The following MLLT3 variants were observed in gnomAD, a reference collection of about 807,000 sequenced individuals.
The protein encoded by MLLT3 is MLLT3 super elongation complex subunit, also known as protein AF-9.
A neutral mutation model predicts 53.2 loss-of-function variants in MLLT3; 4 were observed. The ratio of observed to expected loss-of-function variants is 0.08; its 90% CI spans 0.04 to 0.17. The LOEUF (loss-of-function observed/expected upper bound fraction) is 0.17. Among genes scored for constraint, MLLT3 ranks in the 10% least tolerant of loss-of-function variants. MLLT3 has a pLI of 1.00. For synonymous variants in MLLT3, 283 were observed against 230.6 expected, an observed-to-expected ratio of 1.23 and a Z score of -2.06; for missense variants, 569 against 684.0, an observed-to-expected ratio of 0.83 and a Z score of 1.87.
intron 5 of MLLT3, among the ~76,000 whole-genome samples, chr9:20,393,119 C>T (rs1399704923): frequency 6.6e-6 from 1 of 152,050 alleles, no homozygotes; most frequent in East Asian, 1.9e-4. Flanking sequence ...CATGCCATTG[C>T]ACTCCAGCCT....
intron 2 of MLLT3, among the ~76,000 whole-genome samples, chr9:20,602,990 G>T (rs1040126927): frequency 6.6e-6 from 1 of 152,058 alleles, no homozygotes; most frequent in Non-Finnish European, 1.5e-5. Flanking sequence ...ATTAAAAGTA[G>T]ATATGATATA....
intron 2 of MLLT3, among the ~76,000 whole-genome samples, chr9:20,592,952 G>C (rs1820165108): frequency 6.6e-6 from 1 of 152,168 alleles, no homozygotes; most frequent in Admixed American, 6.5e-5. Context: ...AGCAATGAAA[G>C]AGAAGGCAAG....
At chr9:20,571,048 CT>C (rs1206429229) in intron 2 of MLLT3, among the ~76,000 whole-genome samples, 6 of 152,158 alleles carry the variant, frequency 3.9e-5, no homozygotes, top group Non-Finnish European at 8.8e-5. Context: ...GAAGACATGT[CT>C]TTGTAGTATA....
chr9:20,395,964 A>G (rs1184121083), intron 5 of MLLT3, among the ~76,000 whole-genome samples: 1 of 152,168 alleles, frequency 6.6e-6, no homozygotes, highest in Non-Finnish European at 1.5e-5. Context: ...TGTGTTCAGG[A>G]CAGCATAGGC....
At chr9:20,584,176 A>G (rs1819885579) in intron 2 of MLLT3, among the ~76,000 whole-genome samples, 1 of 152,208 alleles carries the variant, frequency 6.6e-6, no homozygotes, top group African/African-American at 2.4e-5. Flanking sequence ...TCTCTGCTAA[A>G]ACGTAACAAG....
rs988818864 is a variant in MLLT3, at chr9:20,622,408, GCGCTCGCTTGCTCGCT to G, written c.-168_-153del. 1.2e-5 allele frequency: 8 copies of G among 687,240 alleles called. 1 individual carries two copies. The highest frequency in any genetic ancestry group is 9.5e-5 in the East Asian group (3 of 31,740). 42.6% of individuals were successfully genotyped at this position (687,240 alleles called of 1,614,324 possible). On this transcript the variant is annotated 5_prime_UTR_variant, in exon 1 of 11. Transcript: ENST00000380338. ...GGACATTCTCTGCCTTTTTCCCCCC[GCGCTCGCTTGCTCGCT>G]CGCTCGCTTATTAAACTCAGCCCCA...
chr9:20,478,548 T>C (rs1563777817), intron 2 of MLLT3, among the ~76,000 whole-genome samples: 1 of 152,164 alleles, frequency 6.6e-6, no homozygotes, highest in Non-Finnish European at 1.5e-5. Context: ...CGTAGTCTTA[T>C]AAAGCCCTAA....
At position 20,448,666 on chromosome 9, in the gene MLLT3, C is replaced by G. The variant is rs1823766262; in HGVS notation, c.277-400G>C. On this transcript the variant is annotated intron_variant, in intron 3 of 10. Transcript: ENST00000380338. The surrounding 1 kb of genome is among the most constrained non-coding windows in gnomAD (Gnocchi z 4.0). ...AAGCCCTCTAACTCTTACTACTAGG[C>G]TTTTACTCATGGCCCAAACTATAAA... 1.3e-5 allele frequency among the ~76,000 whole-genome samples: 2 copies of G among 152,124 alleles called. No individual in the cohort carries two copies.
At chr9:20,403,856 T>C (rs1053551024) in intron 5 of MLLT3, among the ~76,000 whole-genome samples, 4 of 152,214 alleles carry the variant, frequency 2.6e-5, no homozygotes, top group Admixed American at 6.5e-5. Flanking sequence ...CTCACTCACA[T>C]TGCCCAGGCT....
chr9:20,456,645 A>C, intron 3 of MLLT3, 59 bp downstream of exon 3: 1 of 1,171,216 alleles, frequency 8.5e-7, no homozygotes, highest in South Asian at 1.3e-5. Flanking sequence ...ATTATTTTAA[A>C]CATCATTTGG....
At chr9:20,617,441 A>T (rs1404812456) in intron 2 of MLLT3, among the ~76,000 whole-genome samples, 1 of 152,216 alleles carries the variant, frequency 6.6e-6, no homozygotes, top group Non-Finnish European at 1.5e-5. Flanking sequence ...TAGCTTCCAT[A>T]AAATAATAAG....
At chr9:20,534,328 T>C (rs920998518) in intron 2 of MLLT3, among the ~76,000 whole-genome samples, 2 of 152,206 alleles carry the variant, frequency 1.3e-5, no homozygotes, top group East Asian at 3.8e-4. Context: ...CTTTAGAGCT[T>C]TCAACATCTG....
chr9:20,479,159 A>C (rs1469950770), intron 2 of MLLT3, among the ~76,000 whole-genome samples: 1 of 152,136 alleles, frequency 6.6e-6, no homozygotes, highest in Non-Finnish European at 1.5e-5. Context: ...TTCCTTTACA[A>C]GTTTAAATGT....
intron 2 of MLLT3, among the ~76,000 whole-genome samples, chr9:20,536,299 T>G (rs7037941): frequency 0.45 from 68,695 of 152,028 alleles, 15,762 homozygotes; most frequent in East Asian, 0.53. Context: ...GAGCTCATAC[T>G]TCTAGCTCAT....
At chr9:20,430,948 G>A (rs1430315114) in intron 4 of MLLT3, among the ~76,000 whole-genome samples, 1 of 151,944 alleles carries the variant, frequency 6.6e-6, no homozygotes, top group Non-Finnish European at 1.5e-5. Context: ...AAACATGAAT[G>A]GCCAATGAAA....
rs531352529 is a variant in MLLT3, at chr9:20,586,501, G to T, written c.193+34153C>A. Among the ~76,000 whole-genome samples, 3 of 152,190 alleles carry T rather than the reference G, an allele frequency of 2.0e-5. No individual in the cohort carries two copies. In the South Asian group the frequency reaches 6.2e-4, roughly 32 times the overall value. Reference sequence around the variant, plus strand: ...CCCTAGAAAATCACTGGGGGGCTTAGGGGTGGCAGTGGACTGGTTCTCCTT... The same window carrying T: ...CCCTAGAAAATCACTGGGGGGCTTATGGGTGGCAGTGGACTGGTTCTCCTT... On this transcript the variant is annotated intron_variant, in intron 2 of 10. Coordinates refer to ENST00000380338, the MANE Select transcript of MLLT3 (RefSeq NM_004529.4).
chr9:20,619,622 C>T (rs751201377), intron 2 of MLLT3, among the ~76,000 whole-genome samples: 11 of 152,214 alleles, frequency 7.2e-5, no homozygotes, highest in Non-Finnish European at 1.6e-4. Flanking sequence ...AACCTGCTCA[C>T]AAACAAAGCA....
At chr9:20,565,935 TATTTATATATATATA>T (rs1819348031) in intron 2 of MLLT3, among the ~76,000 whole-genome samples, 1 of 11,366 alleles carries the variant, frequency 8.8e-5, no homozygotes, top group African/African-American at 3.7e-4. Flanking sequence ...TATATATATA[TATTTATATATATATA>T]TATTTATATA....
intron 2 of MLLT3, among the ~76,000 whole-genome samples, chr9:20,535,923 G>C (rs1381489033): frequency 1.3e-5 from 2 of 151,976 alleles, no homozygotes; most frequent in Admixed American, 1.3e-4. Flanking sequence ...CCACCAAGAG[G>C]CAGACATGAC....
Sources: gnomAD v4.1 joint callset for allele counts (sites outside exome capture counted in the v4.1 genomes callset) on GRCh38, gnomAD v4.1.1 for gene constraint, Gnocchi (gnomAD v3.1) non-coding constraint, MANE v1.5 for transcripts, NCBI Gene and HGNC (gene_info 2026-07-23, HGNC 2026-07-21) for gene names.